The following KCNG2 variants were observed in gnomAD, a reference collection of about 807,000 sequenced individuals.
KCNG2 encodes potassium voltage-gated channel modifier subfamily G member 2.
A neutral mutation model predicts 12.3 loss-of-function variants in KCNG2; 7 were observed. That is an observed-to-expected ratio of 0.57 (90% CI 0.32 to 1.07). The LOEUF is 1.07. KCNG2 is among the 50% of genes least tolerant of loss of function. KCNG2 has a pLI of 0.04. For missense variants in KCNG2, 703 were observed against 726.0 expected (o/e 0.97, Z 0.36); for synonymous variants, 414 against 351.4 (o/e 1.18, Z -1.99).
chr18:79,829,274 GTC>G (rs1978289653), intron 1 of KCNG2, among the ~76,000 whole-genome samples: 1 of 151,808 alleles, frequency 6.6e-6, no homozygotes, highest in South Asian at 2.1e-4. Flanking sequence ...GTGTGCATGT[GTC>G]TGTGTGTGTG....
intron 2 of KCNG2, among the ~76,000 whole-genome samples, chr18:79,859,619 G>A (rs999854259): frequency 1.3e-5 from 2 of 152,140 alleles, no homozygotes; most frequent in Non-Finnish European, 2.9e-5. Context: ...CCCCACCTCC[G>A]ACACTGGGTA....
At chr18:79,817,605 G>C (rs1299502519) in intron 1 of KCNG2, among the ~76,000 whole-genome samples, 1 of 152,202 alleles carries the variant, frequency 6.6e-6, no homozygotes, top group African/African-American at 2.4e-5. Context: ...GTCACACCTG[G>C]CTGTCACACA....
rs139352975 is a variant in KCNG2 at position 79,889,436 on chromosome 18, C to G, written c.625-9604C>G. Among the ~76,000 whole-genome samples, 97 of 152,202 alleles carry G rather than the reference C, an allele frequency of 6.4e-4. 1 individual carries two copies. Among genetic ancestry groups the G allele is most frequent in the Non-Finnish European group, 1.0e-3 (69 of 68,004 alleles). On this transcript the variant is annotated intron_variant, in intron 3 of 3. Coordinates refer to ENST00000316249, the MANE Select transcript of KCNG2 (RefSeq NM_012283.2). ...AATGGTCAAAATTTAGAGTTTCTTT[C>G]AACAGTGTTTTGTAGTTATCAAAGT... is the stretch of plus-strand genomic sequence containing the variant.
rs1436635418 is a variant in KCNG2, at chr18:79,884,344, C to A, written c.625-14696C>A. On this transcript the variant is annotated intron_variant, in intron 3 of 3. Transcript: ENST00000316249. This position sits in a 1 kb window ranked among gnomAD's most constrained non-coding sequence, Gnocchi z 5.5. Reference sequence around the variant, plus strand: ...ATGACACACACTCCCGTTCTCAGTCCTTCAAGGAGGCCCCCAGCTCTGCAG... The same window carrying A: ...ATGACACACACTCCCGTTCTCAGTCATTCAAGGAGGCCCCCAGCTCTGCAG... Among the ~76,000 whole-genome samples, 1 of 152,200 alleles carries A rather than the reference C, an allele frequency of 6.6e-6. No homozygotes were observed. Among genetic ancestry groups the A allele is most frequent in the East Asian group, 1.9e-4 (1 of 5,182 alleles).
intron 3 of KCNG2, among the ~76,000 whole-genome samples, chr18:79,872,965 G>A (rs909872964): frequency 9.2e-5 from 14 of 152,144 alleles, no homozygotes; most frequent in African/African-American, 2.2e-4. Flanking sequence ...TCCGGGAGCC[G>A]GCGTGTGCTG....
chr18:79,823,288 T>G (rs1243912099), intron 1 of KCNG2, among the ~76,000 whole-genome samples: 4 of 152,212 alleles, frequency 2.6e-5, no homozygotes, highest in Non-Finnish European at 5.9e-5. Context: ...TCCAGGGTTT[T>G]GCCATCTCCA....
At position 79,804,050 on chromosome 18, in the gene KCNG2, C is replaced by A. The variant is rs116354141; in HGVS notation, c.-115+6036C>A. ...TAAAAGTGCTGCATGGCACTGAATGCCTCCAGACCTGGGAGCACGATCATG... is the reference window on the plus strand; with the variant it reads ...TAAAAGTGCTGCATGGCACTGAATGACTCCAGACCTGGGAGCACGATCATG... On this transcript the variant is annotated intron_variant, in intron 1 of 3. Transcript: ENST00000316249. Among the ~76,000 whole-genome samples the A allele has an allele frequency of 5.8e-4, 89 of 152,284 alleles. 1 individual carries two copies. Among genetic ancestry groups the A allele is most frequent in the African/African-American group, 2.1e-3 (89 of 41,560 alleles).
chr18:79,892,730 G>T (rs1300165204), intron 3 of KCNG2, among the ~76,000 whole-genome samples: 2 of 151,458 alleles, frequency 1.3e-5, no homozygotes, highest in East Asian at 3.9e-4. Flanking sequence ...ATATAGTTGG[G>T]TCTGTGTCTG....
At chr18:79,806,934 T>C (rs974266717) in intron 1 of KCNG2, among the ~76,000 whole-genome samples, 5 of 152,352 alleles carry the variant, frequency 3.3e-5, no homozygotes, top group Middle Eastern at 3.4e-3. Context: ...TTTCCACCCT[T>C]ACTCATGGAT....
intron 1 of KCNG2, among the ~76,000 whole-genome samples, chr18:79,837,791 T>C (rs1978348325): frequency 6.6e-6 from 1 of 152,302 alleles, no homozygotes; most frequent in South Asian, 2.1e-4. Context: ...TCCAAACTCT[T>C]CCAACCTCTG....
Position 79,899,673 on chromosome 18 carries a change from C to T in KCNG2, c.1258C>T (p.Gln420Ter). The part of the protein sequence containing the change: ...RSYSELKEQQ[Q>*]RAASPEPALQ... Reference sequence around the variant, plus strand: ...CTACTCCGAGCTCAAGGAGCAGCAGCAGCGCGCGGCCAGCCCCGAGCCGGC... The same window carrying T: ...CTACTCCGAGCTCAAGGAGCAGCAGTAGCGCGCGGCCAGCCCCGAGCCGGC... The change falls in exon 4 of 4, where the codon CAG (glutamine) becomes TAG (stop). Residue 420 changes from glutamine (Q) to a stop codon, truncating the protein, a stop_gained. Transcript: ENST00000316249. LOFTEE classifies it low-confidence loss of function (END_TRUNC). 1 of 1,607,966 alleles carries T rather than the reference C, an allele frequency of 6.2e-7. No homozygotes were observed. Among genetic ancestry groups the T allele is most frequent in the Non-Finnish European group, 8.5e-7 (1 of 1,178,022 alleles).
chr18:79,841,632 G>T (rs1326559261), intron 1 of KCNG2, among the ~76,000 whole-genome samples: 1 of 152,170 alleles, frequency 6.6e-6, no homozygotes, highest in Non-Finnish European at 1.5e-5. Flanking sequence ...AGATGACAAA[G>T]AAGTGCATTA....
At chr18:79,877,795 T>C (rs1980132777) in intron 3 of KCNG2, among the ~76,000 whole-genome samples, 1 of 152,222 alleles carries the variant, frequency 6.6e-6, no homozygotes, top group African/African-American at 2.4e-5. Context: ...AAAAGGTTGA[T>C]GCCAGGGCGG....
intron 3 of KCNG2, among the ~76,000 whole-genome samples, chr18:79,878,856 G>T (rs1466334585): frequency 6.6e-6 from 1 of 152,244 alleles, no homozygotes; most frequent in African/African-American, 2.4e-5. Flanking sequence ...GGAAGGTGAC[G>T]GCTGTGTTGT....
chr18:79,874,568 C>T (rs1360721104), intron 3 of KCNG2, among the ~76,000 whole-genome samples: 1 of 152,204 alleles, frequency 6.6e-6, no homozygotes, highest in Non-Finnish European at 1.5e-5. Flanking sequence ...AAGTGCAAAG[C>T]GGGGGGCCCA....
intron 3 of KCNG2, among the ~76,000 whole-genome samples, chr18:79,868,098 C>G (rs1979682535): frequency 4.6e-5 from 7 of 152,166 alleles, no homozygotes; most frequent in Admixed American, 4.6e-4. Context: ...GGTCGAATAT[C>G]CAGGAGGGAA....
intron 1 of KCNG2, among the ~76,000 whole-genome samples, chr18:79,821,426 A>T (rs984418461): frequency 6.6e-6 from 1 of 151,466 alleles, no homozygotes; most frequent in African/African-American, 2.4e-5. Flanking sequence ...AGTAGCTGGG[A>T]TTACAGGCAC....
intron 1 of KCNG2, among the ~76,000 whole-genome samples, chr18:79,847,793 C>A (rs1039708057): frequency 1.1e-4 from 17 of 152,204 alleles, no homozygotes; most frequent in Admixed American, 1.1e-3. Context: ...ACCTGGCTTG[C>A]TGGCGGCAGT....
At position 79,888,403 on chromosome 18, in the gene KCNG2, GGCGGC is replaced by G. The variant is rs1568272140; in HGVS notation, c.625-10635_625-10631del. ...CATGAGGCCGCGGTGGGGCCGGGAC[GGCGGC>G]GTCCTCCTCATGAGGCCGCGGTGGG... is the stretch of plus-strand genomic sequence containing the variant. On this transcript the variant is annotated intron_variant, in intron 3 of 3. Coordinates refer to ENST00000316249, the MANE Select transcript of KCNG2 (RefSeq NM_012283.2). 4.2e-3 allele frequency among the ~76,000 whole-genome samples: 629 copies of G among 151,216 alleles called. 6 individuals are homozygous for G. The highest frequency in any genetic ancestry group is 0.014 in the African/African-American group (597 of 41,276).
Sources: gnomAD v4.1 joint callset for allele counts (sites outside exome capture counted in the v4.1 genomes callset) on GRCh38, gnomAD v4.1.1 for gene constraint, Gnocchi (gnomAD v3.1) non-coding constraint, MANE v1.5 for transcripts, NCBI Gene and HGNC (gene_info 2026-07-23, HGNC 2026-07-21) for gene names.